PPME1: variants seen among roughly 807,000 people sequenced by gnomAD.
The protein encoded by PPME1 is protein phosphatase methylesterase 1, also known as testicular secretory protein Li 39.
A neutral mutation model predicts 56.9 loss-of-function variants in PPME1; 17 were observed. The ratio of observed to expected loss-of-function variants is 0.30; its 90% confidence interval spans 0.20 to 0.45. The LOEUF (loss-of-function observed/expected upper bound fraction) is 0.45, where lower values mean the gene tolerates loss of function less well. Among genes scored for constraint, PPME1 ranks in the 20% least tolerant of loss-of-function variants. The pLI, the probability that PPME1 is intolerant of heterozygous loss-of-function variation, is 1.00. For synonymous variants in PPME1, 122 were observed against 156.2 expected (o/e 0.78, Z 1.63); for missense variants, 357 against 483.2 (o/e 0.74, Z 2.45).
intron 3 of PPME1, among the ~76,000 whole-genome samples, chr11:74,219,031 C>A (rs959796962): frequency 2.0e-5 from 3 of 151,856 alleles, no homozygotes; most frequent in African/African-American, 7.3e-5. Context: ...CTCAACAACT[C>A]TATAGGAAAA....
In PPME1 at chr11:74,241,392, A is replaced by T. The variant is rs974845233; in HGVS notation, c.834+2136A>T. On this transcript the variant is annotated intron_variant, in intron 9 of 13. Transcript: ENST00000328257. ...CAGTTTTTAATCCATTCATCGCTTGATGGACATTTGGGTTGTTTCCACTTT... is the reference window on the plus strand; with the variant it reads ...CAGTTTTTAATCCATTCATCGCTTGTTGGACATTTGGGTTGTTTCCACTTT... 3.3e-5 allele frequency among the ~76,000 whole-genome samples: 5 copies of T among 152,314 alleles called. No homozygotes were observed. In the East Asian group the frequency reaches 5.8e-4, roughly 18 times the overall value.
At chr11:74,175,452 G>A (rs1338576013) in intron 1 of PPME1, among the ~76,000 whole-genome samples, 1 of 151,904 alleles carries the variant, frequency 6.6e-6, no homozygotes, top group Non-Finnish European at 1.5e-5. Context: ...GGTGAGCCGA[G>A]ATCGCGCCAT....
At chr11:74,216,347 G>C (rs948814554) in intron 3 of PPME1, among the ~76,000 whole-genome samples, 4 of 152,070 alleles carry the variant, frequency 2.6e-5, no homozygotes, top group African/African-American at 9.7e-5. Context: ...AGGAATTTTG[G>C]ATACTATACA....
chr11:74,226,980 T>C (rs1858947341), intron 5 of PPME1, among the ~76,000 whole-genome samples: 1 of 152,170 alleles, frequency 6.6e-6, no homozygotes, highest in Non-Finnish European at 1.5e-5. Context: ...GACCATGGTT[T>C]ACTGAAGGTT....
At chr11:74,220,942 A>G (rs1390525500) in intron 3 of PPME1, among the ~76,000 whole-genome samples, 1 of 152,098 alleles carries the variant, frequency 6.6e-6, no homozygotes, top group Non-Finnish European at 1.5e-5. Context: ...ATTTTTTTCT[A>G]GTCTTCTTCC....
At chr11:74,191,588 G>A (rs1291934) in intron 1 of PPME1, among the ~76,000 whole-genome samples, 104,466 of 152,036 alleles carry the variant, frequency 0.69, 36,110 homozygotes, top group East Asian at 0.84. Context: ...CCTAGGAGGA[G>A]AGAATGGTTT....
chr11:74,208,807 G>A (rs553019490), intron 3 of PPME1, among the ~76,000 whole-genome samples: 11 of 152,332 alleles, frequency 7.2e-5, no homozygotes, highest in African/African-American at 2.6e-4. Context: ...ATCTGAAATG[G>A]TTTTTAAGAC....
intron 13 of PPME1, 74 bp downstream of exon 13, chr11:74,251,789 A>G: frequency 6.4e-7 from 1 of 1,567,628 alleles, no homozygotes. Flanking sequence ...GTAGGACTGT[A>G]AATATCTCTG....
chr11:74,249,900 A>G (rs1000715005), intron 11 of PPME1: 3 of 152,386 alleles, frequency 2.0e-5, no homozygotes, highest in Admixed American at 1.3e-4. Context: ...GAGGAGGGGC[A>G]CAGGATGGAC....
chr11:74,204,160 T>TC, intron 2 of PPME1, among the ~76,000 whole-genome samples, 193 bp from the exon 3 acceptor site: 1 of 152,066 alleles, frequency 6.6e-6, no homozygotes, highest in African/African-American at 2.4e-5. Flanking sequence ...TTTTTTTTTT[T>TC]TCATTGAACA....
Position 74,230,538 on chromosome 11 carries a change from T to C in PPME1, c.553+139T>C. 9.4e-7 allele frequency: 1 copy of C among 1,060,516 alleles called. No individual in the cohort carries two copies. Among genetic ancestry groups the C allele is most frequent in the South Asian group, 1.5e-5 (1 of 66,160 alleles). 65.7% of individuals were successfully genotyped at this position (1,060,516 alleles called of 1,614,324 possible). ...TCTGTCTTTATATCTTTTTTAAGTT[T>C]ATACAAGATAACCATTTTTCCATGT... On this transcript the variant is annotated intron_variant, in intron 6 of 13. Coordinates refer to ENST00000328257, the MANE Select transcript of PPME1 (RefSeq NM_016147.3). The surrounding 1 kb of genome is among the most constrained non-coding windows in gnomAD (Gnocchi z 4.9).
intron 1 of PPME1, among the ~76,000 whole-genome samples, chr11:74,185,200 A>G (rs1040909787): frequency 5.9e-5 from 9 of 151,828 alleles, no homozygotes; most frequent in Non-Finnish European, 1.2e-4. Context: ...GGGTTTCACC[A>G]TGTTGGTCAG....
At chr11:74,182,348 A>G (rs1399582108) in intron 1 of PPME1, among the ~76,000 whole-genome samples, 2 of 151,824 alleles carry the variant, frequency 1.3e-5, no homozygotes, top group Non-Finnish European at 1.5e-5. Context: ...TCTTTTTTAC[A>G]TTTAAATTGA....
intron 1 of PPME1, among the ~76,000 whole-genome samples, chr11:74,185,024 G>A (rs1266571969): frequency 7.3e-4 from 80 of 109,722 alleles, no homozygotes; most frequent in African/African-American, 2.6e-3. Flanking sequence ...TTTTGAGACA[G>A]AGTCTCACTC....
chr11:74,199,435 G>C (rs1245888849), intron 1 of PPME1, among the ~76,000 whole-genome samples: 1 of 152,140 alleles, frequency 6.6e-6, no homozygotes, highest in Non-Finnish European at 1.5e-5. Flanking sequence ...ACACGTAATA[G>C]GTTCTTAGTA....
rs1043637187 is a variant in PPME1, at chr11:74,201,616, C to CT, written c.102-2110dup. ...CACTACCATTTAGTAGTTGTGTGGCCTTGGCAAGTTACTTTTATGTCTAAA... is the reference window on the plus strand; with the variant it reads ...CACTACCATTTAGTAGTTGTGTGGCCTTTGGCAAGTTACTTTTATGTCTAAA... On this transcript the variant is annotated intron_variant, in intron 1 of 13. Transcript: ENST00000328257. 1.8e-4 allele frequency among the ~76,000 whole-genome samples: 27 copies of CT among 152,230 alleles called. 1 individual carries two copies. The highest frequency in any genetic ancestry group is 1.5e-3 in the Admixed American group (23 of 15,296).
chr11:74,234,913 T>C (rs1312200200), intron 7 of PPME1, among the ~76,000 whole-genome samples: 1 of 152,118 alleles, frequency 6.6e-6, no homozygotes, highest in African/African-American at 2.4e-5. Flanking sequence ...CAAGAGGGGA[T>C]GGGAACTAGT....
At chr11:74,175,931 T>C (rs1367914081) in intron 1 of PPME1, among the ~76,000 whole-genome samples, 3 of 152,324 alleles carry the variant, frequency 2.0e-5, no homozygotes, top group East Asian at 1.9e-4. Context: ...ATAGCTTGCA[T>C]TGAAGGGTTT....
In PPME1 at chr11:74,251,033, C is replaced by T. The variant is rs747486843; in HGVS notation, c.1074+15C>T. ...CCCCTGACAAGGTGAGTCTGGTGCT[C>T]AGTGACTGTAAAAGGACAACTGTGA... On this transcript the variant is annotated intron_variant, in intron 12 of 13. Coordinates refer to ENST00000328257, the MANE Select transcript of PPME1 (RefSeq NM_016147.3). The T allele has an allele frequency of 3.2e-6, 5 of 1,583,214 alleles. No homozygotes were observed. Among genetic ancestry groups the T allele is most frequent in the Non-Finnish European group, 4.3e-6 (5 of 1,164,180 alleles).
Sources: allele counts gnomAD v4.1 joint callset (sites outside exome capture counted in the v4.1 genomes callset), GRCh38; gene constraint gnomAD v4.1.1; non-coding constraint Gnocchi (gnomAD v3.1); transcripts MANE v1.5; gene names NCBI Gene and HGNC (gene_info 2026-07-23, HGNC 2026-07-21).